TXK: variants seen among roughly 807,000 people sequenced by gnomAD.
TXK encodes TXK tyrosine kinase.
TXK carries 60 observed loss-of-function variants against 81.0 expected under a neutral mutation model. The observed-to-expected ratio is 0.74, with a 90% CI of 0.60 to 0.92. The LOEUF (loss-of-function observed/expected upper bound fraction) is 0.92, where lower values mean the gene tolerates loss of function less well. Among genes scored for constraint, TXK ranks in the 40% least tolerant of loss-of-function variants. TXK has a pLI of 0.00. For missense variants in TXK, 581 were observed against 638.3 expected (o/e 0.91, Z 0.97); for synonymous variants, 203 against 210.7 (o/e 0.96, Z 0.32).
intron 1 of TXK, among the ~76,000 whole-genome samples, chr4:48,120,571 A>C (rs1007730216): frequency 2.0e-5 from 3 of 151,698 alleles, no homozygotes; most frequent in African/African-American, 7.3e-5. Context: ...GCTCACTGCA[A>C]TCTCCGGCTC....
intron 11 of TXK, 129 bp downstream of exon 11, chr4:48,079,783 T>C (rs778556475): frequency 1.3e-6 from 1 of 749,292 alleles, no homozygotes; most frequent in Non-Finnish European, 2.2e-6. Flanking sequence ...TTACAACAAA[T>C]TGCATGAATA....
chr4:48,105,758 C>T (rs1004664883), intron 5 of TXK, among the ~76,000 whole-genome samples: 4 of 152,138 alleles, frequency 2.6e-5, no homozygotes, highest in Admixed American at 2.6e-4. Flanking sequence ...CACCCTCTCC[C>T]GCCTCATCTC....
intron 6 of TXK, among the ~76,000 whole-genome samples, chr4:48,098,746 G>A (rs1718076867): frequency 6.6e-6 from 1 of 152,140 alleles, no homozygotes; most frequent in Non-Finnish European, 1.5e-5. Context: ...CAGATCACTT[G>A]AGGCCAGGAG....
Position 48,097,240 on chromosome 4 carries a change from T to C in TXK, c.502-2018A>G, listed in dbSNP as rs531243987. On this transcript the variant is annotated intron_variant, in intron 6 of 14. Coordinates refer to ENST00000264316, the MANE Select transcript of TXK (RefSeq NM_003328.3). The stretch of plus-strand genomic sequence containing the variant: ...AAATAATAAGTCACAAGGAGAAAAT[T>C]ATCAAGGATCCAGTAAAAATTAAGG... Among the ~76,000 whole-genome samples the C allele has an allele frequency of 2.0e-5, 3 of 152,228 alleles. No individual in the cohort carries two copies. In the South Asian group the frequency reaches 6.2e-4, roughly 32 times the overall value.
At position 48,067,307 on chromosome 4, in the gene TXK, G is replaced by A. The variant is rs1716642838; in HGVS notation, c.*330C>T. ...AAGAAGGAAGCACTCTCAGCCTTGT[G>A]AAGAAGAACCTCAAGGGTTCCTGGG... On this transcript the variant is annotated 3_prime_UTR_variant, in exon 15 of 15. Transcript: ENST00000264316. 4.2e-6 allele frequency: 1 copy of A among 240,540 alleles called. No individual in the cohort carries two copies. The allele number at this position is 240,540 out of a possible 1,614,324, so 14.9% of individuals were successfully genotyped here.
chr4:48,093,093 C>G (rs1438203947), intron 8 of TXK, among the ~76,000 whole-genome samples: 3 of 152,200 alleles, frequency 2.0e-5, no homozygotes, highest in Non-Finnish European at 4.4e-5. Flanking sequence ...AAACTCAGAA[C>G]TGACATCTTG....
intron 5 of TXK, among the ~76,000 whole-genome samples, chr4:48,106,369 G>T (rs1718459007): frequency 6.8e-6 from 1 of 148,056 alleles, no homozygotes; most frequent in African/African-American, 2.6e-5. Context: ...ATTTAAATCA[G>T]ATTATAAAAG....
chr4:48,110,729 T>C, intron 4 of TXK, 126 bp from the exon 5 acceptor site: 1 of 719,140 alleles, frequency 1.4e-6, no homozygotes, highest in South Asian at 1.9e-5. Flanking sequence ...ATTAAATTGT[T>C]AAAAGGAGAA....
chr4:48,088,129 A>G (rs895721863), intron 9 of TXK, among the ~76,000 whole-genome samples: 4 of 152,180 alleles, frequency 2.6e-5, no homozygotes, highest in African/African-American at 9.6e-5. Flanking sequence ...GACACACCAG[A>G]TTGGCTAACA....
At chr4:48,082,509 C>A (rs1265616391) in intron 10 of TXK, among the ~76,000 whole-genome samples, 1 of 152,142 alleles carries the variant, frequency 6.6e-6, no homozygotes, top group African/African-American at 2.4e-5. Context: ...ATAACTCAAC[C>A]AATTGTCAAT....
At chr4:48,127,606 G>C (rs181688371) in intron 1 of TXK, among the ~76,000 whole-genome samples, 1 of 152,172 alleles carries the variant, frequency 6.6e-6, no homozygotes, top group Non-Finnish European at 1.5e-5. Flanking sequence ...GAATATATTC[G>C]GGCTTGAAGA....
chr4:48,134,100 A>G (rs1225016773), intron 1 of TXK, 55 bp downstream of exon 1: 110 of 1,604,158 alleles, frequency 6.9e-5, no homozygotes, highest in Non-Finnish European at 9.1e-5. Flanking sequence ...CTGTTCAAGA[A>G]TAACAGGCCC....
chr4:48,090,678 A>C (rs1161598322), intron 8 of TXK, among the ~76,000 whole-genome samples: 1 of 152,230 alleles, frequency 6.6e-6, no homozygotes, highest in Non-Finnish European at 1.5e-5. Flanking sequence ...AGTAGGGAAC[A>C]AGACTGATGA....
chr4:48,105,572 G>C (rs73151629), intron 5 of TXK, among the ~76,000 whole-genome samples: 11,384 of 151,944 alleles, frequency 0.075, 505 homozygotes, highest in South Asian at 0.14. Context: ...ATGACTTATT[G>C]GATAAAATGT....
rs1004190776 is a variant in TXK at position 48,098,476 on chromosome 4, G to A, written c.502-3254C>T. ...CTTTTGCACCAACATATATAGCAGC[G>A]CTAAGGAGAAAAACCACACGAACAT... On this transcript the variant is annotated intron_variant, in intron 6 of 14. Coordinates refer to ENST00000264316, the MANE Select transcript of TXK (RefSeq NM_003328.3). 1.7e-4 allele frequency among the ~76,000 whole-genome samples: 26 copies of A among 152,018 alleles called. 1 individual carries two copies. The highest frequency in any genetic ancestry group is 1.6e-3 in the Admixed American group (25 of 15,268).
rs73136295 is a variant in TXK, at chr4:48,129,125, T to C, written c.16+5030A>G. 8.0e-3 allele frequency among the ~76,000 whole-genome samples: 1,218 copies of C among 152,270 alleles called. 14 individuals carry two copies. The highest frequency in any genetic ancestry group is 0.025 in the African/African-American group (1,041 of 41,540). ...TGGGACATTGAGTTTTTCACATATT[T>C]ATTCAATTTAGAAAGTTATCCTTTA... On this transcript the variant is annotated intron_variant, in intron 1 of 14. Coordinates refer to ENST00000264316, the MANE Select transcript of TXK (RefSeq NM_003328.3).
At chr4:48,121,219 A>G (rs1718952191) in intron 1 of TXK, among the ~76,000 whole-genome samples, 1 of 152,160 alleles carries the variant, frequency 6.6e-6, no homozygotes, top group South Asian at 2.1e-4. Flanking sequence ...CACCTACCCA[A>G]ATGCATTCTC....
intron 6 of TXK, among the ~76,000 whole-genome samples, chr4:48,102,226 GC>G (rs1718221562): frequency 6.6e-6 from 1 of 152,066 alleles, no homozygotes; most frequent in African/African-American, 2.4e-5. Context: ...TGATCCACCC[GC>G]CTCGGCCTCC....
At chr4:48,109,792 G>A (rs1431048735) in intron 5 of TXK, among the ~76,000 whole-genome samples, 2 of 152,178 alleles carry the variant, frequency 1.3e-5, no homozygotes, top group East Asian at 1.9e-4. Flanking sequence ...TCATTCAATT[G>A]TATTTGCTGC....
Sources: gnomAD v4.1 joint callset for allele counts (sites outside exome capture counted in the v4.1 genomes callset) on GRCh38, gnomAD v4.1.1 for gene constraint, MANE v1.5 for transcripts, NCBI Gene and HGNC (gene_info 2026-07-23, HGNC 2026-07-21) for gene names.